The following FMN2 variants were observed in gnomAD, a reference collection of about 807,000 sequenced individuals.
FMN2 encodes the protein formin-2.
A neutral mutation model predicts 142.3 loss-of-function variants in FMN2; 51 were observed. The ratio of observed to expected loss-of-function variants is 0.36; its 90% CI spans 0.29 to 0.45. FMN2 has a LOEUF of 0.45. FMN2 is among the 20% of genes least tolerant of loss of function. The probability of loss-of-function intolerance (pLI) is 1.00; values close to 1 mark genes in which losing one functional copy is unlikely to be tolerated. For missense variants in FMN2, 1,936 were observed against 2,122.8 expected, an observed-to-expected ratio of 0.91 and a Z score of 1.73; for synonymous variants, 882 against 869.8, an observed-to-expected ratio of 1.01 and a Z score of -0.25.
intron 15 of FMN2, among the ~76,000 whole-genome samples, chr1:240,412,572 G>A (rs1443324202): frequency 6.6e-6 from 1 of 152,138 alleles, no homozygotes; most frequent in Non-Finnish European, 1.5e-5. Context: ...ACAAGAAAAT[G>A]ATGATGTAGC....
intron 13 of FMN2, among the ~76,000 whole-genome samples, chr1:240,351,334 A>G (rs1672090205): frequency 6.6e-6 from 1 of 152,160 alleles, no homozygotes; most frequent in South Asian, 2.1e-4. Flanking sequence ...AGAAGCAATA[A>G]GAATGCACAT....
At position 240,286,557 on chromosome 1, in the gene FMN2, G is replaced by A. The variant is rs76683505; in HGVS notation, c.4154-8265G>A. On this transcript the variant is annotated intron_variant, in intron 7 of 17. Coordinates refer to ENST00000319653, the MANE Select transcript of FMN2 (RefSeq NM_020066.5). ...ATCATTTTAAGGTCTACGAAACTGA[G>A]TAGAGCTGGCTTCCACATTTTGTTG... Among the ~76,000 whole-genome samples, 546 of 152,316 alleles carry A rather than the reference G, an allele frequency of 3.6e-3. 4 individuals carry two copies. Among genetic ancestry groups the A allele is most frequent in the African/African-American group, 0.013 (527 of 41,572 alleles).
At chr1:240,232,602 A>G (rs1357619329) in intron 6 of FMN2, among the ~76,000 whole-genome samples, 5 of 152,238 alleles carry the variant, frequency 3.3e-5, no homozygotes, top group African/African-American at 9.6e-5. Flanking sequence ...TACAATTAGC[A>G]TCTCATGTAT....
intron 16 of FMN2, among the ~76,000 whole-genome samples, chr1:240,450,318 C>G (rs1169727453): frequency 6.6e-6 from 1 of 152,084 alleles, no homozygotes; most frequent in Non-Finnish European, 1.5e-5. Flanking sequence ...TGCAGAATCC[C>G]TTTGAATATT....
rs1660984819 is a variant in FMN2 at position 240,091,960 on chromosome 1, A to G, written c.-150A>G. 1.5e-6 allele frequency: 2 copies of G among 1,299,366 alleles called. No individual in the cohort carries two copies. Among genetic ancestry groups the G allele is most frequent in the African/African-American group, 1.6e-5 (1 of 63,524 alleles). 80.5% of individuals were successfully genotyped at this position (1,299,366 alleles called of 1,614,324 possible). A position where few individuals can be genotyped will look rare whatever the true frequency, so the allele number is the denominator to read the frequency against. ...AGCGGCGGCAGATGCGAGCGGGGCC[A>G]GCCGGGCGCGCGTCGGCCTCCCCTC... On this transcript the variant is annotated 5_prime_UTR_variant, in exon 1 of 18. Coordinates refer to ENST00000319653, the MANE Select transcript of FMN2 (RefSeq NM_020066.5).
chr1:240,392,595 C>A, intron 15 of FMN2, 33 bp downstream of exon 15: 1 of 1,550,130 alleles, frequency 6.5e-7, no homozygotes, highest in Non-Finnish European at 8.8e-7. Flanking sequence ...CCCAGAATAG[C>A]GTTATAACAT....
intron 2 of FMN2, chr1:240,143,123 G>A (rs906113290): frequency 1.2e-5 from 18 of 1,558,122 alleles, no homozygotes; most frequent in Middle Eastern, 3.4e-4. Context: ...TGAAGAGGTC[G>A]TTGGGGTCCT....
At chr1:240,346,644 C>G (rs535876928) in intron 13 of FMN2, among the ~76,000 whole-genome samples, 1 of 152,226 alleles carries the variant, frequency 6.6e-6, no homozygotes, top group East Asian at 1.9e-4. Context: ...TTCATTTAGT[C>G]TTTACATGTA....
At chr1:240,140,110 C>CA (rs1262502678) in intron 2 of FMN2, among the ~76,000 whole-genome samples, 2 of 152,158 alleles carry the variant, frequency 1.3e-5, no homozygotes, top group Admixed American at 1.3e-4. Flanking sequence ...GGCTTACTCT[C>CA]ACTTTCTTTC....
chr1:240,369,839 T>G (rs180902852), intron 14 of FMN2, among the ~76,000 whole-genome samples: 1 of 152,276 alleles, frequency 6.6e-6, no homozygotes, highest in Admixed American at 6.5e-5. Flanking sequence ...CCAAACTATT[T>G]TAAAATAAAT....
In FMN2 at chr1:240,418,971, G is replaced by C. The variant is rs556667886; in HGVS notation, c.4911-19090G>C. Among the ~76,000 whole-genome samples, 80 of 152,312 alleles carry C rather than the reference G, an allele frequency of 5.3e-4. 1 individual carries two copies. The South Asian group carries it at 0.013, about 24-fold the overall frequency. On this transcript the variant is annotated intron_variant, in intron 15 of 17. Transcript: ENST00000319653. ...AAAATACAAAAAATTAGCTGGACAT[G>C]GTGGTGGGCGCCTGTAATCCCAGCT...
rs530476630 is a variant in FMN2, at chr1:240,301,587, A to AT, written c.4215+6712dup. Among the ~76,000 whole-genome samples the AT allele has an allele frequency of 3.7e-3, 562 of 151,484 alleles. 3 individuals carry two copies. The highest frequency in any genetic ancestry group is 0.017 in the South Asian group (82 of 4,814). On this transcript the variant is annotated intron_variant, in intron 8 of 17. Coordinates refer to ENST00000319653, the MANE Select transcript of FMN2 (RefSeq NM_020066.5). ...TTTCTTAATTTTCTTTCATCTTAGA[A>AT]TTTTTTTTATCTCACCTTCCTTTTT...
At chr1:240,246,073 G>A (rs535482979) in intron 6 of FMN2, among the ~76,000 whole-genome samples, 287 of 152,242 alleles carry the variant, frequency 1.9e-3, no homozygotes, top group African/African-American at 6.7e-3. Context: ...CCAGCTACTC[G>A]GGAGACTGAG....
intron 3 of FMN2, among the ~76,000 whole-genome samples, chr1:240,187,201 C>T (rs1170640119): frequency 1.5e-5 from 2 of 132,542 alleles, no homozygotes; most frequent in African/African-American, 2.8e-5. Flanking sequence ...ACCCAGGAGG[C>T]GGAGGTTGCA....
intron 13 of FMN2, among the ~76,000 whole-genome samples, chr1:240,335,521 A>G (rs1176570267): frequency 6.6e-6 from 1 of 152,164 alleles, no homozygotes; most frequent in Non-Finnish European, 1.5e-5. Context: ...TACACACACT[A>G]TGATGTGTAA....
rs147964777 is a variant in FMN2, at chr1:240,113,365, A to T, written c.1616-9814A>T. On this transcript the variant is annotated intron_variant, in intron 1 of 17. Coordinates refer to ENST00000319653, the MANE Select transcript of FMN2 (RefSeq NM_020066.5). ...GATTGCCTGAGGTCAGGAGATCGAGACCATCCTGGCTAACATGGTGAAACC... is the reference window on the plus strand; with the variant it reads ...GATTGCCTGAGGTCAGGAGATCGAGTCCATCCTGGCTAACATGGTGAAACC... Among the ~76,000 whole-genome samples, 909 of 152,094 alleles carry T rather than the reference A, an allele frequency of 6.0e-3. 3 individuals carry two copies. Among genetic ancestry groups the T allele is most frequent in the South Asian group, 0.031 (151 of 4,812 alleles).
intron 2 of FMN2, among the ~76,000 whole-genome samples, chr1:240,150,383 C>T (rs934861481): frequency 6.6e-6 from 1 of 152,180 alleles, no homozygotes; most frequent in African/African-American, 2.4e-5. Context: ...AGACATCCAT[C>T]CCATGTGCTC....
At chr1:240,342,878 T>TATATGGA (rs1165392620) in intron 13 of FMN2, among the ~76,000 whole-genome samples, 1 of 152,126 alleles carries the variant, frequency 6.6e-6, no homozygotes, top group African/African-American at 2.4e-5. Flanking sequence ...TTTTTTTCAT[T>TATATGGA]ATATGGAAAC....
At chr1:240,281,546 T>C (rs540922582) in intron 7 of FMN2, among the ~76,000 whole-genome samples, 12 of 152,138 alleles carry the variant, frequency 7.9e-5, no homozygotes, top group Non-Finnish European at 1.8e-4. Flanking sequence ...ATCAATGATG[T>C]TTTCCAGAAG....
Sources: allele counts gnomAD v4.1 joint callset (sites outside exome capture counted in the v4.1 genomes callset), GRCh38; gene constraint gnomAD v4.1.1; transcripts MANE v1.5; gene names NCBI Gene and HGNC (gene_info 2026-07-23, HGNC 2026-07-21).